Variants in SGCZ observed in about 807,000 individuals in gnomAD.
The protein encoded by SGCZ is sarcoglycan zeta.
Under a neutral mutation model 41.3 loss-of-function variants are expected in SGCZ, and 40 were observed. The ratio of observed to expected loss-of-function variants is 0.97; its 90% confidence interval spans 0.75 to 1.26. SGCZ has a LOEUF of 1.26. Among genes scored for constraint, SGCZ ranks in the 50% most tolerant of loss-of-function variants. The probability of loss-of-function intolerance (pLI) is 0.00; values close to 1 mark genes in which losing one functional copy is unlikely to be tolerated. For synonymous variants in SGCZ, 206 were observed against 137.5 expected (o/e 1.50, Z -3.49); for missense variants, 552 against 369.8 (o/e 1.49, Z -4.04).
At chr8:14,360,714 C>A (rs187460808) in intron 2 of SGCZ, among the ~76,000 whole-genome samples, 22 of 152,258 alleles carry the variant, frequency 1.4e-4, no homozygotes. Flanking sequence ...TTAAGGGCAT[C>A]TAAATTGTTT....
intron 1 of SGCZ, among the ~76,000 whole-genome samples, chr8:15,000,377 T>C (rs13265692): frequency 0.34 from 51,208 of 152,060 alleles, 9,045 homozygotes; most frequent in South Asian, 0.38. Context: ...CCTAGTGATA[T>C]AGGAGTTAAA....
chr8:14,675,488 T>A (rs898057474), intron 1 of SGCZ, among the ~76,000 whole-genome samples: 2 of 152,122 alleles, frequency 1.3e-5, no homozygotes, highest in Non-Finnish European at 1.5e-5. Context: ...AATGGCTTAT[T>A]TATTGACCAC....
At chr8:14,457,306 C>T (rs987801340) in intron 2 of SGCZ, among the ~76,000 whole-genome samples, 1 of 152,210 alleles carries the variant, frequency 6.6e-6, no homozygotes, top group African/African-American at 2.4e-5. Flanking sequence ...ACAGGGCCAC[C>T]AGAGGGCTCC....
At chr8:14,422,783 G>A (rs1799669990) in intron 2 of SGCZ, among the ~76,000 whole-genome samples, 1 of 152,182 alleles carries the variant, frequency 6.6e-6, no homozygotes, top group Non-Finnish European at 1.5e-5. Flanking sequence ...TAACACTACT[G>A]TCAGCACTTT....
chr8:14,122,760 T>C (rs1802739055), intron 5 of SGCZ, among the ~76,000 whole-genome samples: 1 of 152,190 alleles, frequency 6.6e-6, no homozygotes, highest in African/African-American at 2.4e-5. Flanking sequence ...TTAGGAATTC[T>C]TCTTTCTCCC....
intron 1 of SGCZ, among the ~76,000 whole-genome samples, chr8:14,625,719 G>A (rs1806433262): frequency 6.6e-6 from 1 of 152,038 alleles, no homozygotes; most frequent in Admixed American, 6.6e-5. Context: ...GCATGAGCCA[G>A]CACACCTGGC....
chr8:14,680,710 T>C (rs1808414819), intron 1 of SGCZ, among the ~76,000 whole-genome samples: 1 of 150,226 alleles, frequency 6.7e-6, no homozygotes, highest in South Asian at 2.1e-4. Flanking sequence ...AGTGAAAAAA[T>C]ACATTAAAAT....
intron 2 of SGCZ, among the ~76,000 whole-genome samples, chr8:14,428,470 G>A (rs1442786910): frequency 6.6e-6 from 1 of 151,916 alleles, no homozygotes; most frequent in Non-Finnish European, 1.5e-5. Flanking sequence ...AACTGTGGTG[G>A]TATATTATTT....
At chr8:14,689,413 C>T (rs2117565390) in intron 1 of SGCZ, among the ~76,000 whole-genome samples, 1 of 152,120 alleles carries the variant, frequency 6.6e-6, no homozygotes, top group African/African-American at 2.4e-5. Context: ...AAACAAAATA[C>T]CCATAGAAGT....
At chr8:14,203,001 G>A (rs974160107) in intron 4 of SGCZ, among the ~76,000 whole-genome samples, 2 of 152,090 alleles carry the variant, frequency 1.3e-5, no homozygotes, top group Non-Finnish European at 2.9e-5. Context: ...AGATACGATG[G>A]TTTTAAAAAT....
At chr8:15,093,281 G>A (rs994611335) in intron 1 of SGCZ, among the ~76,000 whole-genome samples, 6 of 152,224 alleles carry the variant, frequency 3.9e-5, no homozygotes, top group African/African-American at 1.2e-4. Context: ...ATTAGCCACA[G>A]TACCGACTTC....
At chr8:14,528,057 A>G (rs939373103) in intron 2 of SGCZ, among the ~76,000 whole-genome samples, 1 of 152,004 alleles carries the variant, frequency 6.6e-6, no homozygotes, top group Non-Finnish European at 1.5e-5. Context: ...TGTTGATCTA[A>G]TTTCTTAGTC....
At chr8:14,595,960 G>GA (rs1805399048) in intron 1 of SGCZ, among the ~76,000 whole-genome samples, 1 of 152,256 alleles carries the variant, frequency 6.6e-6, no homozygotes, top group African/African-American at 2.4e-5. Flanking sequence ...AAAATGGATG[G>GA]AAAATGCATG....
chr8:15,004,869 C>T lies in SGCZ; in HGVS notation c.39+232716G>A, dbSNP rs1309053858. Among the ~76,000 whole-genome samples the T allele has an allele frequency of 5.5e-5, 3 of 54,200 alleles. No individual in the cohort carries two copies. In the Admixed American group the frequency reaches 6.0e-4, roughly 11 times the overall value. 35.6% of individuals were successfully genotyped at this position (54,200 alleles called of 152,430 possible). On this transcript the variant is annotated intron_variant, in intron 1 of 7. Transcript: ENST00000382080. ...CCAAGTGTTTATCGCAATGAACTGA[C>T]GGGTTCTTTGTGTGCTGTTCAAATA...
At chr8:14,296,711 C>T (rs969283362) in intron 3 of SGCZ, among the ~76,000 whole-genome samples, 34 of 151,456 alleles carry the variant, frequency 2.2e-4, no homozygotes, top group African/African-American at 8.0e-4. Flanking sequence ...TAAATATAGC[C>T]AAAAACCTAA....
intron 4 of SGCZ, among the ~76,000 whole-genome samples, chr8:14,193,776 C>T (rs1222794021): frequency 6.6e-6 from 1 of 151,616 alleles, no homozygotes; most frequent in Admixed American, 6.6e-5. Flanking sequence ...TCACCCTTGT[C>T]CAGTCCAACA....
chr8:14,671,007 C>A (rs533362095), intron 1 of SGCZ, among the ~76,000 whole-genome samples: 1 of 152,210 alleles, frequency 6.6e-6, no homozygotes, highest in Non-Finnish European at 1.5e-5. Context: ...ATGTTTCTAG[C>A]TCTCAAGCTT....
At chr8:14,576,265 G>T (rs1804709600) in intron 1 of SGCZ, among the ~76,000 whole-genome samples, 1 of 152,112 alleles carries the variant, frequency 6.6e-6, no homozygotes, top group South Asian at 2.1e-4. Flanking sequence ...TGAAAACAGG[G>T]TGAGAGAAAA....
chr8:14,786,558 GTT>G (rs144504209), intron 1 of SGCZ, among the ~76,000 whole-genome samples: 9,675 of 152,094 alleles, frequency 0.064, 989 homozygotes, highest in African/African-American at 0.21. Flanking sequence ...TTTGAGTGCT[GTT>G]TTCCCTTTCA....
Sources: gnomAD v4.1 joint callset for allele counts (sites outside exome capture counted in the v4.1 genomes callset) on GRCh38, gnomAD v4.1.1 for gene constraint, MANE v1.5 for transcripts, NCBI Gene and HGNC (gene_info 2026-07-23, HGNC 2026-07-21) for gene names.